Variants in CHCHD6 observed in about 807,000 individuals in gnomAD.
CHCHD6 encodes coiled-coil-helix-coiled-coil-helix domain containing 6.
In CHCHD6, 28 loss-of-function variants were observed where a neutral mutation model predicts 32.3. The observed-to-expected ratio is 0.87, with a 90% CI of 0.64 to 1.19. CHCHD6 has a LOEUF of 1.19. CHCHD6 is among the 50% of genes most tolerant of loss of function. The pLI, the probability that CHCHD6 is intolerant of heterozygous loss-of-function variation, is 0.00. For synonymous variants in CHCHD6, 122 were observed against 117.5 expected (o/e 1.04, Z -0.25); for missense variants, 333 against 307.0 (o/e 1.08, Z -0.63).
At chr3:126,946,062 A>G (rs1159025590) in intron 6 of CHCHD6, among the ~76,000 whole-genome samples, 5 of 152,042 alleles carry the variant, frequency 3.3e-5, no homozygotes. Context: ...CCGCAGCCCC[A>G]CACAGAGCAG....
chr3:126,930,203 G>GATC (rs1234806274), intron 6 of CHCHD6, among the ~76,000 whole-genome samples: 3 of 152,230 alleles, frequency 2.0e-5, no homozygotes, highest in African/African-American at 7.2e-5. Flanking sequence ...TCTTCTTAGT[G>GATC]ATCACCTCTT....
intron 4 of CHCHD6, among the ~76,000 whole-genome samples, chr3:126,836,304 A>T (rs1209367788): frequency 6.6e-6 from 1 of 152,034 alleles, no homozygotes; most frequent in Non-Finnish European, 1.5e-5. Context: ...AGGCCTTTGC[A>T]TTGGTTTTTT....
At chr3:126,823,638 C>G (rs1940248059) in intron 4 of CHCHD6, among the ~76,000 whole-genome samples, 1 of 152,136 alleles carries the variant, frequency 6.6e-6, no homozygotes, top group African/African-American at 2.4e-5. Context: ...GTCATGTCAT[C>G]TAAAAGTCCT....
chr3:126,911,158 A>G (rs954802302), intron 5 of CHCHD6, among the ~76,000 whole-genome samples: 6 of 152,216 alleles, frequency 3.9e-5, no homozygotes, highest in Non-Finnish European at 8.8e-5. Flanking sequence ...GGTGCCCCAC[A>G]GCACCTGGGA....
chr3:126,854,420 G>A (rs1941584771), intron 5 of CHCHD6, among the ~76,000 whole-genome samples: 1 of 152,180 alleles, frequency 6.6e-6, no homozygotes, highest in Non-Finnish European at 1.5e-5. Context: ...GAGATAGGAG[G>A]ATTAAAGGGG....
intron 5 of CHCHD6, among the ~76,000 whole-genome samples, chr3:126,856,336 C>T (rs975200847): frequency 2.0e-5 from 3 of 152,126 alleles, no homozygotes; most frequent in Non-Finnish European, 4.4e-5. Flanking sequence ...GCCGGTGGTT[C>T]AGATGTTCCT....
chr3:126,764,517 C>T (rs1405734874), intron 4 of CHCHD6, among the ~76,000 whole-genome samples: 1 of 152,166 alleles, frequency 6.6e-6, no homozygotes, highest in Non-Finnish European at 1.5e-5. Flanking sequence ...ACAAGGCAGT[C>T]TTCACTTCGA....
chr3:126,795,281 A>G (rs1466338660), intron 4 of CHCHD6, among the ~76,000 whole-genome samples: 2 of 152,300 alleles, frequency 1.3e-5, no homozygotes, highest in Non-Finnish European at 2.9e-5. Flanking sequence ...TTCTGTTTTT[A>G]CCTCAGCTTT....
chr3:126,790,372 C>A (rs1474460456), intron 4 of CHCHD6, among the ~76,000 whole-genome samples: 1 of 152,096 alleles, frequency 6.6e-6, no homozygotes, highest in Admixed American at 6.5e-5. Context: ...GTTGGCCTGC[C>A]TTGCTAGGTT....
intron 6 of CHCHD6, among the ~76,000 whole-genome samples, chr3:126,916,410 A>C (rs1310152002): frequency 6.6e-6 from 1 of 152,094 alleles, no homozygotes; most frequent in Non-Finnish European, 1.5e-5. Flanking sequence ...TAAAAAAAAA[A>C]AAAAAAAGAA....
rs528557888 is a variant in CHCHD6 at position 126,814,847 on chromosome 3, T to G, written c.412-37800T>G. 2.0e-5 allele frequency among the ~76,000 whole-genome samples: 3 copies of G among 152,328 alleles called. No homozygotes were observed. In the East Asian group the frequency reaches 5.8e-4, roughly 29 times the overall value. ...CAGTCAGCGTTCTGGAGGCTTGGAC[T>G]TGCGACTGGTGTCTGAAGTGGGGTG... is the stretch of plus-strand genomic sequence containing the variant. On this transcript the variant is annotated intron_variant, in intron 4 of 7. Coordinates refer to ENST00000290913, the MANE Select transcript of CHCHD6 (RefSeq NM_032343.3).
intron 6 of CHCHD6, among the ~76,000 whole-genome samples, chr3:126,924,090 A>G (rs2078291023): frequency 6.6e-6 from 1 of 152,112 alleles, no homozygotes; most frequent in Non-Finnish European, 1.5e-5. Flanking sequence ...GCGTAACACA[A>G]TTCCCCCAAC....
intron 6 of CHCHD6, among the ~76,000 whole-genome samples, chr3:126,935,900 A>C (rs1041331418): frequency 1.3e-5 from 2 of 152,238 alleles, no homozygotes; most frequent in African/African-American, 4.8e-5. Flanking sequence ...AGAGGGAAGA[A>C]CAATGCTGGG....
intron 5 of CHCHD6, among the ~76,000 whole-genome samples, chr3:126,865,146 TCCTTTTCCACCA>T (rs1226062005): frequency 4.2e-5 from 2 of 47,776 alleles, no homozygotes; most frequent in Non-Finnish European, 5.7e-5. Context: ...CACCACCACC[TCCTTTTCCACCA>T]CCTCCACTTC....
intron 5 of CHCHD6, among the ~76,000 whole-genome samples, chr3:126,858,489 C>T (rs1000844600): frequency 7.2e-5 from 11 of 152,314 alleles, no homozygotes; most frequent in African/African-American, 2.2e-4. Context: ...TCTGCTGCCC[C>T]TCGCTGCCAG....
intron 1 of CHCHD6, among the ~76,000 whole-genome samples, chr3:126,722,602 T>C (rs548599395): frequency 6.6e-5 from 10 of 152,336 alleles, no homozygotes; most frequent in African/African-American, 2.2e-4. Flanking sequence ...TATATCTTCT[T>C]TGGAAAAATT....
At chr3:126,893,312 A>G (rs990708050) in intron 5 of CHCHD6, among the ~76,000 whole-genome samples, 1 of 152,126 alleles carries the variant, frequency 6.6e-6, no homozygotes, top group Admixed American at 6.5e-5. Context: ...TAGAACAGTA[A>G]ATAATTATTT....
chr3:126,708,272 G>T (rs777555808), intron 1 of CHCHD6, among the ~76,000 whole-genome samples: 1 of 152,226 alleles, frequency 6.6e-6, no homozygotes, highest in Non-Finnish European at 1.5e-5. Context: ...GAGGAAACAG[G>T]TTCAGTGAGG....
intron 4 of CHCHD6, among the ~76,000 whole-genome samples, chr3:126,798,794 A>T (rs548981163): frequency 6.6e-6 from 1 of 152,348 alleles, no homozygotes; most frequent in African/African-American, 2.4e-5. Flanking sequence ...ATTGGAGCTC[A>T]GTCTGCCTTG....
Sources: gnomAD v4.1 joint callset for allele counts (sites outside exome capture counted in the v4.1 genomes callset) on GRCh38, gnomAD v4.1.1 for gene constraint, MANE v1.5 for transcripts, NCBI Gene and HGNC (gene_info 2026-07-23, HGNC 2026-07-21) for gene names.